Variants in STARD13 observed in about 807,000 individuals in gnomAD.
The protein encoded by STARD13 is StAR related lipid transfer domain containing 13.
Under a neutral mutation model 106.4 loss-of-function variants are expected in STARD13, and 62 were observed. The ratio of observed to expected loss-of-function variants is 0.58; its 90% CI spans 0.48 to 0.72. The LOEUF is 0.72. STARD13 is among the 30% of genes least tolerant of loss of function. STARD13 has a pLI of 0.00. For missense variants in STARD13, 1,387 were observed against 1,424.0 expected (o/e 0.97, Z 0.42); for synonymous variants, 565 against 553.0 (o/e 1.02, Z -0.31).
the STARD13 span, among the ~76,000 whole-genome samples, chr13:33,572,543 T>TA: frequency 6.6e-6 from 1 of 152,228 alleles, no homozygotes; most frequent in African/African-American, 2.4e-5. Context: ...CAAACTCTTT[T>TA]AATTTGTTTG....
At chr13:33,438,777 G>A in the STARD13 span, among the ~76,000 whole-genome samples, 3 of 152,170 alleles carry the variant, frequency 2.0e-5, no homozygotes, top group African/African-American at 7.2e-5. Context: ...GAGATCTTGG[G>A]TGTCTGAATA....
At chr13:33,208,552 G>C (rs1334766152) in intron 1 of STARD13, among the ~76,000 whole-genome samples, 2 of 152,192 alleles carry the variant, frequency 1.3e-5, no homozygotes, top group African/African-American at 2.4e-5. Flanking sequence ...AGCTCAGGTA[G>C]CAATTATGAA....
chr13:33,401,349 AC>A, the STARD13 span, among the ~76,000 whole-genome samples: 1 of 152,164 alleles, frequency 6.6e-6, no homozygotes, highest in African/African-American at 2.4e-5. Context: ...ACTTTCAACT[AC>A]TTGACTATTG....
the STARD13 span, among the ~76,000 whole-genome samples, chr13:33,525,988 G>A: frequency 1.3e-5 from 2 of 152,162 alleles, no homozygotes; most frequent in Non-Finnish European, 2.9e-5. Flanking sequence ...TGAGTACACA[G>A]GAGCATGCCA....
At chr13:33,510,177 C>A in the STARD13 span, among the ~76,000 whole-genome samples, 1 of 152,094 alleles carries the variant, frequency 6.6e-6, no homozygotes, top group East Asian at 1.9e-4. Flanking sequence ...GGTTGCCAAG[C>A]CACGATGAGC....
intron 12 of STARD13, among the ~76,000 whole-genome samples, chr13:33,108,636 C>T (rs975328363): frequency 4.6e-5 from 7 of 152,256 alleles, no homozygotes; most frequent in East Asian, 1.9e-4. Flanking sequence ...GTGCCTGGCA[C>T]GTGGTCGTGA....
chr13:33,270,903 A>G (rs970561665), intron 1 of STARD13, among the ~76,000 whole-genome samples: 1 of 152,178 alleles, frequency 6.6e-6, no homozygotes, highest in Non-Finnish European at 1.5e-5. Flanking sequence ...AATCACTTGC[A>G]ACCAAGGACC....
the STARD13 span, among the ~76,000 whole-genome samples, chr13:33,438,010 T>C: frequency 1.3e-5 from 2 of 152,176 alleles, no homozygotes; most frequent in African/African-American, 4.8e-5. Context: ...ATTAAACCAC[T>C]TCAGAGCCTC....
At chr13:33,528,258 A>ATATATATGTATATATATATATG in the STARD13 span, among the ~76,000 whole-genome samples, 16 of 121,818 alleles carry the variant, frequency 1.3e-4, no homozygotes, top group East Asian at 2.2e-3. Flanking sequence ...ATATATATAC[A>ATATATATGTATATATATATATG]TATATATATA....
At chr13:33,596,255 C>T in the STARD13 span, among the ~76,000 whole-genome samples, 7 of 152,098 alleles carry the variant, frequency 4.6e-5, no homozygotes, top group Non-Finnish European at 7.4e-5. Flanking sequence ...AGGCGAAACG[C>T]CCCAAGTGAA....
chr13:33,570,023 A>C, the STARD13 span, among the ~76,000 whole-genome samples: 4 of 147,434 alleles, frequency 2.7e-5, 1 homozygote, highest in East Asian at 8.1e-4. Flanking sequence ...TAAAGAACTT[A>C]TTATCCACGT....
At chr13:33,656,934 T>C in the STARD13 span, 2 of 152,196 alleles carry the variant, frequency 1.3e-5, no homozygotes, top group East Asian at 3.9e-4. Flanking sequence ...TGGTAGGACA[T>C]GTCCACCACT....
chr13:33,238,153 C>T (rs1200276359), intron 1 of STARD13, among the ~76,000 whole-genome samples: 1 of 152,164 alleles, frequency 6.6e-6, no homozygotes, highest in Non-Finnish European at 1.5e-5. Flanking sequence ...CTTACTCATC[C>T]ATTAATACAG....
intron 1 of STARD13, among the ~76,000 whole-genome samples, chr13:33,219,271 A>G (rs548506170): frequency 6.6e-6 from 1 of 152,034 alleles, no homozygotes; most frequent in East Asian, 1.9e-4. Context: ...CTTCCCTTTG[A>G]GTTGGGTTCC....
the STARD13 span, among the ~76,000 whole-genome samples, chr13:33,607,791 C>G: frequency 5.3e-5 from 8 of 152,124 alleles, no homozygotes; most frequent in African/African-American, 1.9e-4. Flanking sequence ...ATATTATTTG[C>G]ATTACAATAA....
chr13:33,561,227 G>A, the STARD13 span, among the ~76,000 whole-genome samples: 3 of 150,876 alleles, frequency 2.0e-5, no homozygotes, highest in Non-Finnish European at 4.4e-5. Context: ...CCAGAACATT[G>A]TTGATTTTGG....
chr13:33,451,966 T>C, the STARD13 span, among the ~76,000 whole-genome samples: 1 of 152,056 alleles, frequency 6.6e-6, no homozygotes, highest in Non-Finnish European at 1.5e-5. Flanking sequence ...ATAAAATAAA[T>C]TAAGGAATAA....
chr13:33,301,721 C>T (rs929964382), intron 1 of STARD13, among the ~76,000 whole-genome samples: 11 of 152,058 alleles, frequency 7.2e-5, no homozygotes, highest in African/African-American at 2.7e-4. Context: ...GCACCCGCCA[C>T]CATGCCTGGC....
chr13:33,495,899 T>C, the STARD13 span, among the ~76,000 whole-genome samples: 7 of 144,770 alleles, frequency 4.8e-5, no homozygotes, highest in Non-Finnish European at 9.0e-5. Flanking sequence ...TATATATAGT[T>C]ATGTTATTAT....
Sources: allele counts gnomAD v4.1 joint callset (sites outside exome capture counted in the v4.1 genomes callset), GRCh38; gene constraint gnomAD v4.1.1; transcripts MANE v1.5; gene names NCBI Gene and HGNC (gene_info 2026-07-23, HGNC 2026-07-21).